TBC1D16: variants seen among roughly 807,000 people sequenced by gnomAD.
TBC1D16 encodes the protein TBC1 domain family member 16.
In TBC1D16, 58 loss-of-function variants were observed where a neutral mutation model predicts 74.7. That is an observed-to-expected ratio of 0.78 (90% CI 0.63 to 0.97). The LOEUF (loss-of-function observed/expected upper bound fraction) is 0.97, where lower values mean the gene tolerates loss of function less well. Among genes scored for constraint, TBC1D16 ranks in the 50% least tolerant of loss-of-function variants. The pLI is 0.00. For synonymous variants in TBC1D16, 493 were observed against 474.7 expected, an observed-to-expected ratio of 1.04 and a Z score of -0.50; for missense variants, 1,014 against 1,079.5, an observed-to-expected ratio of 0.94 and a Z score of 0.85.
Position 79,986,446 on chromosome 17 carries a change from G to C in TBC1D16, c.779+23714C>G, listed in dbSNP as rs1040699350. 6.6e-6 allele frequency among the ~76,000 whole-genome samples: 1 copy of C among 152,210 alleles called. No individual in the cohort carries two copies. The highest frequency in any genetic ancestry group is 2.4e-5 in the African/African-American group (1 of 41,438). Reference sequence around the variant, plus strand: ...GTGCAGTATCGTCAGCGTTGCAGTGGTGGGTAAGAGGCCCCGGGATTATTT... The same window carrying C: ...GTGCAGTATCGTCAGCGTTGCAGTGCTGGGTAAGAGGCCCCGGGATTATTT... On this transcript the variant is annotated intron_variant, in intron 3 of 11. Transcript: ENST00000310924. The surrounding 1 kb of genome is among the most constrained non-coding windows in gnomAD (Gnocchi z 6.0).
chr17:80,025,432 G>T (rs1440280992), intron 1 of TBC1D16, among the ~76,000 whole-genome samples: 1 of 150,092 alleles, frequency 6.7e-6, no homozygotes, highest in African/African-American at 2.5e-5. Context: ...TCACCGGGCG[G>T]CAGGAAGTGC....
intron 2 of TBC1D16, among the ~76,000 whole-genome samples, chr17:80,012,634 C>T (rs910181476): frequency 6.6e-6 from 1 of 151,688 alleles, no homozygotes; most frequent in African/African-American, 2.4e-5. Context: ...TGGTCTCAAA[C>T]TCCTGGGTTC....
rs2144597211 is a variant in TBC1D16, at chr17:80,001,564, G to A, written c.779+8596C>T. On this transcript the variant is annotated intron_variant, in intron 3 of 11. Coordinates refer to ENST00000310924, the MANE Select transcript of TBC1D16 (RefSeq NM_019020.4). The surrounding 1 kb of genome is among the most constrained non-coding windows in gnomAD (Gnocchi z 5.8). Reference sequence around the variant, plus strand: ...TCTCGGGGTATCCCCGGGCGCCCTGGTTGGCCCACGACCGGGATCAGGGGT... The same window carrying A: ...TCTCGGGGTATCCCCGGGCGCCCTGATTGGCCCACGACCGGGATCAGGGGT... Among the ~76,000 whole-genome samples the A allele has an allele frequency of 6.6e-6, 1 of 152,254 alleles. No homozygotes were observed. The highest frequency in any genetic ancestry group is 6.5e-5 in the Admixed American group (1 of 15,296).
chr17:79,964,995 T>C (rs1300925442), intron 3 of TBC1D16, among the ~76,000 whole-genome samples: 8 of 152,220 alleles, frequency 5.3e-5, no homozygotes, highest in East Asian at 1.9e-4. Context: ...GGCATGTCTA[T>C]AATATACTTT....
At position 79,948,955 on chromosome 17, in the gene TBC1D16, G is replaced by A. The variant is rs2143640706; in HGVS notation, c.1458C>T (p.Phe486=). The change falls in exon 8 of 12, where the codon TTC becomes TTT. Residue 486 remains phenylalanine, a synonymous_variant. Transcript: ENST00000310924. The stretch of plus-strand genomic sequence containing the variant: ...TCCGGACCACGTCTTTGTCCACAGT[G>A]AACTGCACATTACGCCAGAACGCTC... ...EHRAFWRNVQ[F]TVDKDVVRTD... 1 of 1,614,168 alleles carries A rather than the reference G, an allele frequency of 6.2e-7. No individual in the cohort carries two copies. Among genetic ancestry groups the A allele is most frequent in the South Asian group, 1.1e-5 (1 of 91,084 alleles).
In TBC1D16 at chr17:79,983,923, G is replaced by A. The variant is rs959301990; in HGVS notation, c.779+26237C>T. Among the ~76,000 whole-genome samples, 7 of 152,208 alleles carry A rather than the reference G, an allele frequency of 4.6e-5. No homozygotes were observed. The highest frequency in any genetic ancestry group is 8.8e-5 in the Non-Finnish European group (6 of 68,038). On this transcript the variant is annotated intron_variant, in intron 3 of 11. Transcript: ENST00000310924. This position sits in a 1 kb window ranked among gnomAD's most constrained non-coding sequence, Gnocchi z 5.6. ...GCTCTGTCACCCATGCTGGAGTGCA[G>A]GGGTATGATCTCGGCTTACTGCAGC...
rs187886749 is a variant in TBC1D16 at position 79,952,547 on chromosome 17, T to A, written c.941+110A>T. On this transcript the variant is annotated intron_variant, in intron 4 of 11. Coordinates refer to ENST00000310924, the MANE Select transcript of TBC1D16 (RefSeq NM_019020.4). ...AAAGCAGACGCTTGGGAAGACTCCATCCAGGGCCCTGTGTCCCCAAGCCGT... is the reference window on the plus strand; with the variant it reads ...AAAGCAGACGCTTGGGAAGACTCCAACCAGGGCCCTGTGTCCCCAAGCCGT... The A allele has an allele frequency of 8.0e-6, 11 of 1,379,122 alleles. No homozygotes were observed. The East Asian group carries it at 2.6e-4, about 33-fold the overall frequency. 85.4% of individuals were successfully genotyped at this position (1,379,122 alleles called of 1,614,324 possible). A position where few individuals can be genotyped will look rare whatever the true frequency, so the allele number is the denominator to read the frequency against.
At chr17:79,943,862 G>A in intron 10 of TBC1D16, 3 of 1,393,312 alleles carry the variant, frequency 2.2e-6, no homozygotes, top group Non-Finnish European at 9.3e-7. Flanking sequence ...CTGCCACTGG[G>A]AAAACGTGCA....
Position 79,938,803 on chromosome 17 carries a change from C to G in TBC1D16, c.*2056G>C, listed in dbSNP as rs2031782054. 1 of 152,354 alleles carries G rather than the reference C, an allele frequency of 6.6e-6. No individual in the cohort carries two copies. Among genetic ancestry groups the G allele is most frequent in the South Asian group, 2.1e-4 (1 of 4,832 alleles). 9.4% of individuals were successfully genotyped at this position (152,354 alleles called of 1,614,324 possible). On this transcript the variant is annotated 3_prime_UTR_variant, in exon 12 of 12. Coordinates refer to ENST00000310924, the MANE Select transcript of TBC1D16 (RefSeq NM_019020.4). ...GCTGCAGGTGTGGTGTCCACCAAGG[C>G]TTGGAAAGGCACTTGCTGTCTCTCC...
In TBC1D16 at chr17:79,963,230, A is replaced by G. The variant is rs199821349; in HGVS notation, c.780-10412T>C. ...GGACTCCATCTCAAAAAAAAAAAGC[A>G]AAAAAAAAAGCCCGATAACTTCCCA... On this transcript the variant is annotated intron_variant, in intron 3 of 11. Transcript: ENST00000310924. Among the ~76,000 whole-genome samples the G allele has an allele frequency of 2.2e-5, 3 of 138,260 alleles. No individual in the cohort carries two copies. In the East Asian group the frequency reaches 6.0e-4, roughly 28 times the overall value. 90.7% of individuals were successfully genotyped at this position (138,260 alleles called of 152,430 possible). A position where few individuals can be genotyped will look rare whatever the true frequency, so the allele number is the denominator to read the frequency against.
In TBC1D16 at chr17:80,001,111, T is replaced by A. The variant is rs1204701699; in HGVS notation, c.779+9049A>T. The stretch of plus-strand genomic sequence containing the variant: ...AGACTGCTGGGGCGAGGCTATGTCC[T>A]GTGGCCATTTCTAGACTGACTATGG... On this transcript the variant is annotated intron_variant, in intron 3 of 11. Transcript: ENST00000310924. The surrounding 1 kb of genome is among the most constrained non-coding windows in gnomAD (Gnocchi z 5.8). Among the ~76,000 whole-genome samples the A allele has an allele frequency of 1.3e-5, 2 of 152,218 alleles. No individual in the cohort carries two copies. The highest frequency in any genetic ancestry group is 2.9e-5 in the Non-Finnish European group (2 of 68,034).
intron 1 of TBC1D16, among the ~76,000 whole-genome samples, chr17:80,019,116 A>G (rs1167184972): frequency 6.7e-6 from 1 of 150,248 alleles, no homozygotes; most frequent in African/African-American, 2.5e-5. Flanking sequence ...CACAGCTCTC[A>G]GCTGCTTCCC....
chr17:80,018,148 C>T (rs1208704580), intron 1 of TBC1D16, among the ~76,000 whole-genome samples: 1 of 113,518 alleles, frequency 8.8e-6, no homozygotes, highest in Non-Finnish European at 1.8e-5. Flanking sequence ...CTGCAGGAGA[C>T]ATAGATACAA....
chr17:79,938,382 T>G lies in TBC1D16; in HGVS notation c.*2477A>C, dbSNP rs1203810522. The G allele has an allele frequency of 6.6e-6, 1 of 152,568 alleles. No individual in the cohort carries two copies. Among genetic ancestry groups the G allele is most frequent in the African/African-American group, 2.4e-5 (1 of 41,450 alleles). The allele number at this position is 152,568 out of a possible 1,614,324, so 9.5% of individuals were successfully genotyped here. ...CACTTGGTGCAGAGATGCAGCTGAT[T>G]GGTCCGGGTCAGGTCTTGGGGAGCA... is the stretch of plus-strand genomic sequence containing the variant. On this transcript the variant is annotated 3_prime_UTR_variant, in exon 12 of 12. Transcript: ENST00000310924.
At chr17:79,949,146 C>A in intron 7 of TBC1D16, 140 bp from the exon 8 acceptor site, 1 of 1,085,364 alleles carries the variant, frequency 9.2e-7, no homozygotes, top group Non-Finnish European at 1.3e-6. Flanking sequence ...CGGCTGCAGA[C>A]CCTCCCCGGA....
At chr17:80,032,926 G>C (rs1417578266) in intron 1 of TBC1D16, among the ~76,000 whole-genome samples, 3 of 152,168 alleles carry the variant, frequency 2.0e-5, no homozygotes, top group Non-Finnish European at 4.4e-5. Flanking sequence ...TTTCACAGGA[G>C]GTGGTGTTGC....
chr17:79,935,169 G>GT lies in TBC1D16; in HGVS notation c.*5689dup, dbSNP rs1407547630. 2 of 152,264 alleles carry GT rather than the reference G, an allele frequency of 1.3e-5. No individual in the cohort carries two copies. Among genetic ancestry groups the GT allele is most frequent in the African/African-American group, 2.4e-5 (1 of 41,466 alleles). 9.4% of individuals were successfully genotyped at this position (152,264 alleles called of 1,614,324 possible). On this transcript the variant is annotated 3_prime_UTR_variant, in exon 12 of 12. Transcript: ENST00000310924. ...GGCAGCCAAGGCTCAATAAAATACT[G>GT]TTTGTGTTTCCAGGCACTGGGGTGG...
chr17:79,938,540 G>A lies in TBC1D16; in HGVS notation c.*2319C>T, dbSNP rs1049681683. ...AAACACAGCGGTTCAAAGGCACGAG[G>A]TATCTAGTGAAATGCTAGGACCAGG... On this transcript the variant is annotated 3_prime_UTR_variant, in exon 12 of 12. Coordinates refer to ENST00000310924, the MANE Select transcript of TBC1D16 (RefSeq NM_019020.4). 4.5e-4 allele frequency: 69 copies of A among 152,310 alleles called. No homozygotes were observed. The highest frequency in any genetic ancestry group is 1.6e-3 in the African/African-American group (66 of 41,434). 9.4% of individuals were successfully genotyped at this position (152,310 alleles called of 1,614,324 possible).
chr17:79,974,691 C>T lies in TBC1D16; in HGVS notation c.780-21873G>A, dbSNP rs183527020. On this transcript the variant is annotated intron_variant, in intron 3 of 11. Coordinates refer to ENST00000310924, the MANE Select transcript of TBC1D16 (RefSeq NM_019020.4). ...TCTTGGCTTCCTCCACCCTAAAGCA[C>T]ATTCCCTTATCTTCCCTGGCTCTCC... Among the ~76,000 whole-genome samples the T allele has an allele frequency of 1.6e-3, 247 of 152,318 alleles. 6 individuals are homozygous for T. Among genetic ancestry groups the T allele is most frequent in the Non-Finnish European group, 1.9e-4 (13 of 68,038 alleles).
Sources: gnomAD v4.1 joint callset for allele counts (sites outside exome capture counted in the v4.1 genomes callset) on GRCh38, gnomAD v4.1.1 for gene constraint, Gnocchi (gnomAD v3.1) non-coding constraint, MANE v1.5 for transcripts, NCBI Gene and HGNC (gene_info 2026-07-23, HGNC 2026-07-21) for gene names.